Variants in PDCD2L observed in about 807,000 individuals in gnomAD.
The protein encoded by PDCD2L is programmed cell death 2 like, also known as uS5 assembly chaperone PDCD2L.
In PDCD2L, 44 loss-of-function variants were observed where a neutral mutation model predicts 40.4. The ratio of observed to expected loss-of-function variants is 1.09; its 90% CI spans 0.86 to 1.40. The LOEUF (loss-of-function observed/expected upper bound fraction) is 1.40. Ranked by LOEUF, PDCD2L falls within the 40% of genes most tolerant of loss-of-function variation. The pLI, the probability that PDCD2L is intolerant of heterozygous loss-of-function variation, is 0.00. For missense variants in PDCD2L, 470 were observed against 453.7 expected (o/e 1.04, Z -0.33); for synonymous variants, 194 against 174.6 (o/e 1.11, Z -0.88).
chr19:34,405,991 A>G (rs191912835), intron 3 of PDCD2L, among the ~76,000 whole-genome samples: 2 of 152,270 alleles, frequency 1.3e-5, no homozygotes, highest in East Asian at 1.9e-4. Flanking sequence ...AAGTAAACAA[A>G]TTAGCCAGGC....
At chr19:34,406,429 A>G (rs1463153308) in intron 3 of PDCD2L, among the ~76,000 whole-genome samples, 1 of 150,054 alleles carries the variant, frequency 6.7e-6, no homozygotes, top group African/African-American at 2.5e-5. Flanking sequence ...TCTGTTGCCC[A>G]GGCTGGAGTG....
chr19:34,410,575 A>C (rs1466225238), intron 4 of PDCD2L, among the ~76,000 whole-genome samples: 1 of 151,916 alleles, frequency 6.6e-6, no homozygotes, highest in African/African-American at 2.4e-5. Flanking sequence ...TAGCCACTGC[A>C]CCCAGCATTT....
chr19:34,418,505 G>A (rs934017038), intron 5 of PDCD2L, among the ~76,000 whole-genome samples: 8 of 152,028 alleles, frequency 5.3e-5, no homozygotes, highest in African/African-American at 1.9e-4. Flanking sequence ...TTGTATGGAT[G>A]TGCCACTATA....
intron 1 of PDCD2L, 35 bp from the exon 2 acceptor site, chr19:34,404,614 G>C (rs748986746): frequency 6.2e-7 from 1 of 1,601,862 alleles, no homozygotes; most frequent in African/African-American, 1.3e-5. Flanking sequence ...GTCCTGGGGG[G>C]AGTCGGGGTC....
At chr19:34,404,566 G>T (rs758861380) in intron 1 of PDCD2L, 28 bp downstream of exon 1, 1 of 1,568,110 alleles carries the variant, frequency 6.4e-7, no homozygotes, top group Non-Finnish European at 8.6e-7. Context: ...AGCTGGGGTC[G>T]ATGGGTGCTG....
At chr19:34,410,115 G>A (rs1481401745) in intron 4 of PDCD2L, among the ~76,000 whole-genome samples, 1 of 152,098 alleles carries the variant, frequency 6.6e-6, no homozygotes, top group Non-Finnish European at 1.5e-5. Context: ...TTGATTGACT[G>A]AGAGAGACAG....
chr19:34,417,497 A>G lies in PDCD2L; in HGVS notation c.797+3650A>G, dbSNP rs192448831. 1.9e-3 allele frequency among the ~76,000 whole-genome samples: 296 copies of G among 152,010 alleles called. 1 individual carries two copies. The highest frequency in any genetic ancestry group is 3.3e-3 in the Admixed American group (50 of 15,270). On this transcript the variant is annotated intron_variant, in intron 5 of 6. Coordinates refer to ENST00000246535, the MANE Select transcript of PDCD2L (RefSeq NM_032346.2). ...GTGGCGGGTGCCTGTAGTCCCAGCT[A>G]TTCGGGAGGCTGAGGCAGAAGAATT...
intron 3 of PDCD2L, among the ~76,000 whole-genome samples, chr19:34,406,826 CTTTTT>C (rs35175132): frequency 1.4e-4 from 14 of 102,244 alleles, no homozygotes; most frequent in African/African-American, 4.3e-4. Context: ...TTCTTTCTTC[CTTTTT>C]TTTTTTTTTT....
chr19:34,412,454 G>T (rs1422073087), intron 4 of PDCD2L, among the ~76,000 whole-genome samples: 2 of 151,988 alleles, frequency 1.3e-5, no homozygotes, highest in African/African-American at 4.8e-5. Context: ...GAGTGCGGTG[G>T]CTCACTCCTA....
At chr19:34,404,597 G>C in intron 1 of PDCD2L, 52 bp from the exon 2 acceptor site, 2 of 1,592,232 alleles carry the variant, frequency 1.3e-6, no homozygotes, top group Non-Finnish European at 8.5e-7. Context: ...CGGAGGGAGT[G>C]GGCGAGGTCC....
At chr19:34,425,944 C>G (rs1251335904) in intron 6 of PDCD2L, 46 bp from the exon 7 acceptor site, 1 of 1,586,800 alleles carries the variant, frequency 6.3e-7, no homozygotes, top group South Asian at 1.1e-5. Flanking sequence ...TAACATCAGT[C>G]TCATAACTCT....
At chr19:34,406,062 A>C (rs1658830143) in intron 3 of PDCD2L, among the ~76,000 whole-genome samples, 1 of 152,132 alleles carries the variant, frequency 6.6e-6, no homozygotes, top group South Asian at 2.1e-4. Flanking sequence ...GGATTGCTTG[A>C]GTCTAGGAGG....
intron 4 of PDCD2L, among the ~76,000 whole-genome samples, chr19:34,411,586 G>A (rs1238670267): frequency 6.6e-6 from 1 of 151,948 alleles, no homozygotes; most frequent in East Asian, 1.9e-4. Context: ...GGCCTCAGGG[G>A]ATCCTCTGGC....
At chr19:34,407,256 C>T (rs2075081056) in intron 3 of PDCD2L, among the ~76,000 whole-genome samples, 1 of 152,206 alleles carries the variant, frequency 6.6e-6, no homozygotes, top group Non-Finnish European at 1.5e-5. Context: ...ATTCTCCTGC[C>T]TCAGCCTCCT....
chr19:34,416,443 C>T (rs1042543238), intron 5 of PDCD2L, among the ~76,000 whole-genome samples: 1 of 152,116 alleles, frequency 6.6e-6, no homozygotes, highest in Non-Finnish European at 1.5e-5. Context: ...CGCCTCCATT[C>T]GAGTGGGATC....
chr19:34,423,598 G>A (rs1026148815), intron 6 of PDCD2L, among the ~76,000 whole-genome samples: 9 of 148,644 alleles, frequency 6.1e-5, no homozygotes, highest in African/African-American at 9.9e-5. Context: ...AGGTTCAAGC[G>A]ATTCTCCTGC....
At position 34,404,732 on chromosome 19, in the gene PDCD2L, C is replaced by G; in HGVS notation, c.192C>G (p.Cys64Trp). ...TCGCTCTGGTCGTGCAGGTGTATTG[C>G]CCGCTGGAAGGCTCCCCGTTTCACC... is the stretch of plus-strand genomic sequence containing the variant. ...QPLALVVQVY[C>W]PLEGSPFHRL... is the part of the protein sequence containing the mutation. Residue 64 changes from cysteine (C) to tryptophan (W), a missense_variant, in exon 2 of 7, where the codon TGC becomes TGG. Physicochemically the swap from Cys to Trp is radical, Grantham distance 215 (BLOSUM62 -2). Coordinates refer to ENST00000246535, the MANE Select transcript of PDCD2L (RefSeq NM_032346.2). 6.2e-7 allele frequency: 1 copy of G among 1,612,250 alleles called. No homozygotes were observed. The highest frequency in any genetic ancestry group is 8.5e-7 in the Non-Finnish European group (1 of 1,179,820).
At chr19:34,417,972 A>G (rs2075133207) in intron 5 of PDCD2L, among the ~76,000 whole-genome samples, 1 of 152,212 alleles carries the variant, frequency 6.6e-6, no homozygotes, top group Non-Finnish European at 1.5e-5. Flanking sequence ...AAATGTAGCC[A>G]TTCTAGTAGG....
At chr19:34,404,617 T>C (rs768467720) in intron 1 of PDCD2L, 32 bp from the exon 2 acceptor site, 2 of 1,600,192 alleles carry the variant, frequency 1.2e-6, no homozygotes, top group East Asian at 4.5e-5. Flanking sequence ...CTGGGGGGAG[T>C]CGGGGTCTGA....
Sources: allele counts gnomAD v4.1 joint callset (sites outside exome capture counted in the v4.1 genomes callset), GRCh38; gene constraint gnomAD v4.1.1; transcripts MANE v1.5; gene names NCBI Gene and HGNC (gene_info 2026-07-23, HGNC 2026-07-21).